The following SOX5 variants were observed in gnomAD, a reference collection of about 807,000 sequenced individuals.
The protein encoded by SOX5 is transcription factor SOX-5.
A neutral mutation model predicts 92.0 loss-of-function variants in SOX5; 9 were observed. The observed-to-expected ratio is 0.10, with a 90% CI of 0.06 to 0.17. The LOEUF is 0.17. Ranked by LOEUF, SOX5 falls within the 10% of genes least tolerant of loss-of-function variation. The pLI is 1.00. For missense variants in SOX5, 642 were observed against 944.5 expected (o/e 0.68, Z 4.20); for synonymous variants, 344 against 336.3 (o/e 1.02, Z -0.25).
At chr12:24,081,492 A>AGTAAG (rs1163311969) in intron 4 of SOX5, among the ~76,000 whole-genome samples, 1 of 152,050 alleles carries the variant, frequency 6.6e-6, no homozygotes, top group Non-Finnish European at 1.5e-5. Context: ...TCTCTGGAAC[A>AGTAAG]CTAAAGGAAA....
intron 2 of SOX5, among the ~76,000 whole-genome samples, chr12:24,324,783 T>C (rs142993804): frequency 6.6e-6 from 1 of 152,162 alleles, no homozygotes; most frequent in Admixed American, 6.6e-5. Context: ...AGGGTTATCA[T>C]GAAGTTTCAA....
chr12:24,427,358 G>A (rs1170791906), intron 1 of SOX5, among the ~76,000 whole-genome samples: 1 of 152,200 alleles, frequency 6.6e-6, no homozygotes, highest in East Asian at 1.9e-4. Flanking sequence ...CGGGGTGGAA[G>A]TGTAAATAAC....
intron 4 of SOX5, among the ~76,000 whole-genome samples, chr12:23,748,093 A>C (rs1480700447): frequency 6.6e-6 from 1 of 151,882 alleles, no homozygotes; most frequent in East Asian, 1.9e-4. Context: ...ACATCACCCA[A>C]TTTTTATACT....
intron 1 of SOX5, among the ~76,000 whole-genome samples, chr12:24,551,180 C>T (rs1566450976): frequency 6.6e-6 from 1 of 152,184 alleles, no homozygotes; most frequent in African/African-American, 2.4e-5. Flanking sequence ...TTTCAAGTTC[C>T]CATCTCCCCC....
intron 2 of SOX5, among the ~76,000 whole-genome samples, chr12:24,298,944 G>T (rs1031183482): frequency 6.6e-6 from 1 of 151,870 alleles, no homozygotes; most frequent in Non-Finnish European, 1.5e-5. Flanking sequence ...CATATTATTA[G>T]AAAAAGATGG....
intron 1 of SOX5, among the ~76,000 whole-genome samples, chr12:23,939,903 C>T (rs2139493917): frequency 6.6e-6 from 1 of 151,114 alleles, no homozygotes; most frequent in East Asian, 1.9e-4. Context: ...TTGAGAAACA[C>T]TCAAAATTTT....
chr12:23,763,589 A>G (rs114004036), intron 3 of SOX5, among the ~76,000 whole-genome samples: 5 of 152,122 alleles, frequency 3.3e-5, no homozygotes, highest in African/African-American at 1.2e-4. Flanking sequence ...TGCCACTTCT[A>G]TTAAGTTAAT....
At position 23,592,804 on chromosome 12, in the gene SOX5, C is replaced by T. The variant is rs188401950; in HGVS notation, c.1164+11583G>A. On this transcript the variant is annotated intron_variant, in intron 9 of 14. Coordinates refer to ENST00000451604, the MANE Select transcript of SOX5 (RefSeq NM_006940.6). ...AGATATAAAATTACTCTGGGCTGGG[C>T]GCGGTGGCTCATGCCTGTAATCCCA... is the stretch of plus-strand genomic sequence containing the variant. Among the ~76,000 whole-genome samples, 18 of 152,134 alleles carry T rather than the reference C, an allele frequency of 1.2e-4. No individual in the cohort carries two copies. The East Asian group carries it at 1.9e-3, about 16-fold the overall frequency.
intron 4 of SOX5, among the ~76,000 whole-genome samples, chr12:24,011,677 C>G (rs959124064): frequency 2.6e-5 from 4 of 152,118 alleles, no homozygotes; most frequent in Non-Finnish European, 4.4e-5. Flanking sequence ...GAGTTAAAAT[C>G]ACCTTAACAC....
intron 3 of SOX5, among the ~76,000 whole-genome samples, chr12:23,843,616 T>G (rs1170554303): frequency 7.4e-6 from 1 of 135,602 alleles, no homozygotes; most frequent in African/African-American, 2.8e-5. Context: ...CAGGCTGGTG[T>G]GCAGTGGCCC....
At chr12:24,096,065 T>A (rs902512590) in intron 4 of SOX5, among the ~76,000 whole-genome samples, 2 of 152,210 alleles carry the variant, frequency 1.3e-5, no homozygotes, top group African/African-American at 4.8e-5. Context: ...ATTGTGCTCA[T>A]TTTTACTATT....
intron 2 of SOX5, among the ~76,000 whole-genome samples, chr12:23,873,981 G>A (rs1408810824): frequency 1.3e-5 from 2 of 152,200 alleles, no homozygotes; most frequent in South Asian, 2.1e-4. Flanking sequence ...ACGGTTAACT[G>A]TGAGACTCCT....
At chr12:24,006,847 A>C (rs1952234941) in intron 4 of SOX5, among the ~76,000 whole-genome samples, 1 of 151,962 alleles carries the variant, frequency 6.6e-6, no homozygotes, top group South Asian at 2.1e-4. Flanking sequence ...TTAATATCTT[A>C]ACTGAAGTGG....
rs141910703 is a variant in SOX5, at chr12:24,307,500, A to G, written c.-173-30188T>C. Among the ~76,000 whole-genome samples the G allele has an allele frequency of 8.1e-3, 295 of 36,374 alleles. 14 individuals are homozygous for G. The highest frequency in any genetic ancestry group is 0.017 in the Middle Eastern group (1 of 60). 23.9% of individuals were successfully genotyped at this position (36,374 alleles called of 152,430 possible). A position where few individuals can be genotyped will look rare whatever the true frequency, so the allele number is the denominator to read the frequency against. ...AAGGAAGGAAGGAAGGAAGGAAGGA[A>G]GGAAGGAAGGAAGGAAGGCCGGCCC... On this transcript the variant is annotated intron_variant, in intron 2 of 4. Coordinates refer to the SOX5 transcript ENST00000446891.
At chr12:23,784,276 C>T (rs2095337578) in intron 3 of SOX5, among the ~76,000 whole-genome samples, 1 of 151,968 alleles carries the variant, frequency 6.6e-6, no homozygotes, top group Non-Finnish European at 1.5e-5. Flanking sequence ...CTTGAAAATG[C>T]CATCTAGACC....
intron 2 of SOX5, among the ~76,000 whole-genome samples, chr12:24,283,024 A>G (rs10444418): frequency 0.17 from 25,145 of 152,256 alleles, 2,444 homozygotes; most frequent in Middle Eastern, 0.24. Flanking sequence ...ATATATAAAT[A>G]TTAACTTGTA....
chr12:23,922,092 A>G (rs1426957279), intron 1 of SOX5, among the ~76,000 whole-genome samples: 1 of 152,118 alleles, frequency 6.6e-6, no homozygotes. Flanking sequence ...CACTTTTTTC[A>G]GGGAGGAATA....
intron 2 of SOX5, among the ~76,000 whole-genome samples, chr12:24,352,765 G>A (rs570291817): frequency 4.6e-5 from 7 of 152,130 alleles, no homozygotes; most frequent in Non-Finnish European, 8.8e-5. Context: ...GAACAAATGG[G>A]TGCCTTCCCT....
intron 3 of SOX5, among the ~76,000 whole-genome samples, chr12:23,838,741 C>T (rs2096467836): frequency 6.6e-6 from 1 of 150,956 alleles, no homozygotes; most frequent in East Asian, 2.0e-4. Context: ...TTTGTGTCTA[C>T]ATTTCCTGCT....
Sources: gnomAD v4.1 joint callset for allele counts (sites outside exome capture counted in the v4.1 genomes callset) on GRCh38, gnomAD v4.1.1 for gene constraint, MANE v1.5 for transcripts, NCBI Gene and HGNC (gene_info 2026-07-23, HGNC 2026-07-21) for gene names.